CACNA1D: variants seen among roughly 807,000 people sequenced by gnomAD.
CACNA1D encodes calcium voltage-gated channel subunit alpha1 D.
A neutral mutation model predicts 257.1 loss-of-function variants in CACNA1D; 55 were observed. That is an observed-to-expected ratio of 0.21 (90% CI 0.17 to 0.27). The LOEUF (loss-of-function observed/expected upper bound fraction) is 0.27, where lower values mean the gene tolerates loss of function less well. CACNA1D is among the 10% of genes least tolerant of loss of function. The pLI, the probability that CACNA1D is intolerant of heterozygous loss-of-function variation, is 1.00. For missense variants in CACNA1D, 1,876 were observed against 2,784.0 expected, an observed-to-expected ratio of 0.67 and a Z score of 7.34; for synonymous variants, 980 against 1,014.9, an observed-to-expected ratio of 0.97 and a Z score of 0.65.
intron 14 of CACNA1D, among the ~76,000 whole-genome samples, chr3:53,725,838 G>A (rs187478533): frequency 6.6e-6 from 1 of 152,260 alleles, no homozygotes; most frequent in Non-Finnish European, 1.5e-5. Flanking sequence ...TGAAGATAAA[G>A]GAGCTCTGTC....
At position 53,696,956 on chromosome 3, in the gene CACNA1D, G is replaced by A. The variant is rs564847757; in HGVS notation, c.1221-5685G>A. On this transcript the variant is annotated intron_variant, in intron 8 of 47. Coordinates refer to ENST00000350061, the MANE Select transcript of CACNA1D (RefSeq NM_001128840.3). Reference sequence around the variant, plus strand: ...TCTGGGTCTGCAGCGACCTGGAGCAGAGAGGGAAGCAAGCTCTGATGAAAT... The same window carrying A: ...TCTGGGTCTGCAGCGACCTGGAGCAAAGAGGGAAGCAAGCTCTGATGAAAT... 4.6e-5 allele frequency among the ~76,000 whole-genome samples: 7 copies of A among 152,298 alleles called. No individual in the cohort carries two copies. The South Asian group carries it at 1.5e-3, about 32-fold the overall frequency.
chr3:53,656,165 T>C (rs1283910638), intron 4 of CACNA1D, among the ~76,000 whole-genome samples: 3 of 152,254 alleles, frequency 2.0e-5, no homozygotes, highest in Non-Finnish European at 4.4e-5. Flanking sequence ...AGCACCATGC[T>C]GTTTTGGTTA....
intron 3 of CACNA1D, among the ~76,000 whole-genome samples, chr3:53,635,622 C>A (rs941137698): frequency 1.4e-4 from 21 of 152,146 alleles, no homozygotes; most frequent in Non-Finnish European, 2.6e-4. Flanking sequence ...CTCTCCAGCT[C>A]CTGCAAGACA....
chr3:53,553,238 G>A (rs2092571016), intron 3 of CACNA1D, among the ~76,000 whole-genome samples: 1 of 152,246 alleles, frequency 6.6e-6, no homozygotes, highest in Non-Finnish European at 1.5e-5. Flanking sequence ...TTGTAATAAA[G>A]TCCTAATTTC....
rs1399546899 is a variant in CACNA1D at position 53,497,473 on chromosome 3, T to C, written c.377+12T>C. The C allele has an allele frequency of 1.2e-6, 2 of 1,612,764 alleles. No individual in the cohort carries two copies. Among genetic ancestry groups the C allele is most frequent in the Non-Finnish European group, 1.7e-6 (2 of 1,178,858 alleles). The stretch of plus-strand genomic sequence containing the variant: ...ATAGTGGAATGGAAGTATCCTTTTT[T>C]TGGGGGAAGTCTTTCTCATTTTCTC... On this transcript the variant is annotated intron_variant, in intron 2 of 47. Transcript: ENST00000350061.
At position 53,779,130 on chromosome 3, in the gene CACNA1D, C is replaced by T. The variant is rs145056894; in HGVS notation, c.4588-896C>T. 9.2e-5 allele frequency among the ~76,000 whole-genome samples: 14 copies of T among 152,198 alleles called. No individual in the cohort carries two copies. In the East Asian group the frequency reaches 1.5e-3, roughly 17 times the overall value. ...CCTGGGCAACAAAGCGAGACCTCAT[C>T]TCTAAAAAAACATAACAAAACAAAA... On this transcript the variant is annotated intron_variant, in intron 37 of 47. Coordinates refer to ENST00000350061, the MANE Select transcript of CACNA1D (RefSeq NM_001128840.3).
At chr3:53,805,785 CATCTTCCCTCCTCCTCCTCT>C (rs1407690713) in intron 45 of CACNA1D, among the ~76,000 whole-genome samples, 2 of 145,012 alleles carry the variant, frequency 1.4e-5, no homozygotes, top group African/African-American at 2.6e-5. Context: ...CTTCCTCCCT[CATCTTCCCTCCTCCTCCTCT>C]ATCTTCCCTC....
intron 21 of CACNA1D, 58 bp downstream of exon 21, chr3:53,740,397 C>T: frequency 2.6e-6 from 3 of 1,173,350 alleles, no homozygotes; most frequent in Non-Finnish European, 3.8e-6. Context: ...ATAATAGTTG[C>T]ACTTCTTTGT....
intron 9 of CACNA1D, among the ~76,000 whole-genome samples, chr3:53,708,543 T>G (rs868446393): frequency 8.4e-4 from 128 of 152,312 alleles, no homozygotes; most frequent in African/African-American, 3.0e-3. Flanking sequence ...TGGTAATTTC[T>G]AAAAGTGCCT....
chr3:53,538,665 G>T (rs1434728917), intron 3 of CACNA1D, among the ~76,000 whole-genome samples: 6 of 152,118 alleles, frequency 3.9e-5, no homozygotes. Context: ...AGTAGTCTCT[G>T]ATAGCTTTCT....
At chr3:53,672,573 A>G (rs2094333276) in intron 7 of CACNA1D, among the ~76,000 whole-genome samples, 1 of 152,210 alleles carries the variant, frequency 6.6e-6, no homozygotes. Flanking sequence ...CTTTAAACAC[A>G]AAGTCTAAAA....
chr3:53,666,608 T>G (rs889770970), intron 7 of CACNA1D, 73 bp downstream of exon 7: 17 of 1,245,638 alleles, frequency 1.4e-5, no homozygotes, highest in Non-Finnish European at 1.9e-5. Context: ...CTAGAGCCAC[T>G]GGAGAGGTGG....
At chr3:53,538,885 AC>A (rs1477356311) in intron 3 of CACNA1D, among the ~76,000 whole-genome samples, 1 of 152,172 alleles carries the variant, frequency 6.6e-6, no homozygotes, top group Admixed American at 6.5e-5. Context: ...ACAGTACAAC[AC>A]CAATGTAGCC....
chr3:53,522,977 A>T (rs1205775484), intron 3 of CACNA1D, among the ~76,000 whole-genome samples: 1 of 152,148 alleles, frequency 6.6e-6, no homozygotes, highest in Admixed American at 6.5e-5. Context: ...CCATGAGATC[A>T]GCTTTTTTAG....
chr3:53,722,586 G>A (rs949806260), intron 12 of CACNA1D, 112 bp downstream of exon 12: 4 of 1,123,650 alleles, frequency 3.6e-6, no homozygotes, highest in Non-Finnish European at 5.4e-6. Context: ...AACATTTCTA[G>A]TGAGGACAAA....
chr3:53,740,290 A>G lies in CACNA1D; in HGVS notation c.2762A>G (p.Tyr921Cys). The G allele has an allele frequency of 6.2e-7, 1 of 1,611,766 alleles. No individual in the cohort carries two copies. Among genetic ancestry groups the G allele is most frequent in the East Asian group, 2.2e-5 (1 of 44,878 alleles). The change falls in exon 21 of 48, where the codon TAC becomes TGC. Residue 921 changes from tyrosine to cysteine, a missense_variant. Physicochemically the swap from Tyr to Cys is radical, Grantham distance 194. This residue lies in a region of CACNA1D where 271 missense variants were observed against 425.5 expected (regional missense o/e 0.64). Coordinates refer to ENST00000350061, the MANE Select transcript of CACNA1D (RefSeq NM_001128840.3). ...SHSFRNTILG[Y>C]FDYAFTAIFT... ...TGTTGTGCCTTGCAGATACTGGGTT[A>G]CTTTGACTATGCCTTCACAGCCATC... is the stretch of plus-strand genomic sequence containing the variant.
chr3:53,578,242 G>A (rs1377610908), intron 3 of CACNA1D, among the ~76,000 whole-genome samples: 1 of 152,112 alleles, frequency 6.6e-6, no homozygotes, highest in Admixed American at 6.5e-5. Context: ...CCATCCAGCT[G>A]GGACAATACA....
At chr3:53,511,121 C>G (rs571905844) in intron 3 of CACNA1D, among the ~76,000 whole-genome samples, 2 of 152,196 alleles carry the variant, frequency 1.3e-5, no homozygotes, top group South Asian at 2.1e-4. Flanking sequence ...CTCTGATGTC[C>G]CGTGTTCTTA....
chr3:53,774,414 C>CTGCCTGGCACATGGTTG lies in CACNA1D; in HGVS notation c.4111-163_4111-147dup, dbSNP rs1559663848. 3 of 624,954 alleles carry CTGCCTGGCACATGGTTG rather than the reference C, an allele frequency of 4.8e-6. No individual in the cohort carries two copies. The highest frequency in any genetic ancestry group is 2.3e-5 in the Admixed American group (1 of 42,628). 38.7% of individuals were successfully genotyped at this position (624,954 alleles called of 1,614,324 possible). ...CACCACGTTCCCAGTGTGTAACCTGCTGCCTGGCACATGGTTGTGCCTGGC... is the reference window on the plus strand; with the variant it reads ...CACCACGTTCCCAGTGTGTAACCTGCTGCCTGGCACATGGTTGTGCCTGGCACATGGTTGTGCCTGGC... On this transcript the variant is annotated intron_variant, in intron 33 of 47. Transcript: ENST00000350061. This position sits in a 1 kb window ranked among gnomAD's most constrained non-coding sequence, Gnocchi z 4.3.
Sources: gnomAD v4.1 joint callset for allele counts (sites outside exome capture counted in the v4.1 genomes callset) on GRCh38, gnomAD v4.1.1 for gene constraint, gnomAD v4.1.1 regional missense constraint, Gnocchi (gnomAD v3.1) non-coding constraint, MANE v1.5 for transcripts, NCBI Gene and HGNC (gene_info 2026-07-23, HGNC 2026-07-21) for gene names.